The following CCSER1 variants were observed in gnomAD, a reference collection of about 807,000 sequenced individuals.
The protein encoded by CCSER1 is coiled-coil serine rich protein 1, also known as serine-rich coiled-coil domain-containing protein 1.
A neutral mutation model predicts 82.0 loss-of-function variants in CCSER1; 41 were observed. The ratio of observed to expected loss-of-function variants is 0.50; its 90% CI spans 0.39 to 0.65. The LOEUF (loss-of-function observed/expected upper bound fraction) is 0.65, where lower values mean the gene tolerates loss of function less well. Ranked by LOEUF, CCSER1 falls within the 30% of genes least tolerant of loss-of-function variation. The pLI, the probability that CCSER1 is intolerant of heterozygous loss-of-function variation, is 0.00. For synonymous variants in CCSER1, 414 were observed against 383.9 expected, an observed-to-expected ratio of 1.08 and a Z score of -0.92; for missense variants, 1,119 against 1,064.2, an observed-to-expected ratio of 1.05 and a Z score of -0.72.
At chr4:91,115,354 T>C (rs934552258) in intron 10 of CCSER1, among the ~76,000 whole-genome samples, 2 of 151,910 alleles carry the variant, frequency 1.3e-5, no homozygotes, top group African/African-American at 2.4e-5. Flanking sequence ...TGAGATGGAG[T>C]CTTGCTCTGT....
chr4:91,141,609 G>A (rs905805109), intron 10 of CCSER1, among the ~76,000 whole-genome samples: 1 of 152,092 alleles, frequency 6.6e-6, no homozygotes, highest in East Asian at 1.9e-4. Flanking sequence ...GTGTCTTTTT[G>A]GTAGAACAAT....
chr4:91,173,949 TA>T (rs1733037578), intron 10 of CCSER1, among the ~76,000 whole-genome samples: 1 of 152,192 alleles, frequency 6.6e-6, no homozygotes, highest in African/African-American at 2.4e-5. Context: ...CCAATAGTCT[TA>T]AAAATTGTAG....
intron 8 of CCSER1, among the ~76,000 whole-genome samples, chr4:90,916,018 C>T (rs371907904): frequency 6.6e-6 from 1 of 151,980 alleles, no homozygotes; most frequent in Non-Finnish European, 1.5e-5. Context: ...TAAAAGAGGA[C>T]ACAAACAAAT....
At chr4:90,856,025 A>G (rs1561255269) in intron 8 of CCSER1, among the ~76,000 whole-genome samples, 1 of 152,142 alleles carries the variant, frequency 6.6e-6, no homozygotes, top group Non-Finnish European at 1.5e-5. Flanking sequence ...CATTGTCAAT[A>G]TATTTATAGC....
At chr4:90,758,139 C>T (rs1482123103) in intron 7 of CCSER1, among the ~76,000 whole-genome samples, 1 of 151,968 alleles carries the variant, frequency 6.6e-6, no homozygotes, top group African/African-American at 2.4e-5. Flanking sequence ...GGTTTCTCCA[C>T]GTTGGCCAGG....
chr4:90,443,990 T>A (rs1167751644), intron 4 of CCSER1, among the ~76,000 whole-genome samples: 1 of 152,066 alleles, frequency 6.6e-6, no homozygotes, highest in Non-Finnish European at 1.5e-5. Flanking sequence ...GGTAATATAA[T>A]TAAATATTAT....
chr4:90,881,847 C>T (rs143569694), intron 8 of CCSER1, among the ~76,000 whole-genome samples: 1,994 of 152,206 alleles, frequency 0.013, 26 homozygotes, highest in Middle Eastern at 0.061. Context: ...CATCTCCCTA[C>T]TCTTCCCCTG....
chr4:91,269,317 C>A (rs1422593883), intron 10 of CCSER1, among the ~76,000 whole-genome samples: 1 of 152,110 alleles, frequency 6.6e-6, no homozygotes, highest in African/African-American at 2.4e-5. Flanking sequence ...TGTATAAGTA[C>A]CTAAAATGCA....
At chr4:91,532,239 T>A (rs1233995554) in intron 10 of CCSER1, among the ~76,000 whole-genome samples, 3 of 152,176 alleles carry the variant, frequency 2.0e-5, no homozygotes, top group Non-Finnish European at 4.4e-5. Context: ...AAATGAAGGC[T>A]TAAACTATTG....
At chr4:91,273,792 G>T (rs543749757) in intron 10 of CCSER1, among the ~76,000 whole-genome samples, 1 of 152,194 alleles carries the variant, frequency 6.6e-6, no homozygotes, top group African/African-American at 2.4e-5. Flanking sequence ...TGCCAATTTT[G>T]CTGAGAGTTT....
intron 9 of CCSER1, among the ~76,000 whole-genome samples, chr4:90,943,716 C>G (rs1731866990): frequency 7.6e-6 from 1 of 131,874 alleles, no homozygotes; most frequent in Admixed American, 7.8e-5. Context: ...ACATGAGCCA[C>G]TGTGCCAGGC....
intron 4 of CCSER1, among the ~76,000 whole-genome samples, chr4:90,439,410 G>T (rs1331512918): frequency 4.6e-5 from 7 of 152,134 alleles, no homozygotes; most frequent in Admixed American, 2.0e-4. Flanking sequence ...AACTTTGAAA[G>T]AATATATCTT....
Position 91,310,098 on chromosome 4 carries a change from C to T in CCSER1, c.2217+224104C>T, listed in dbSNP as rs548345304. ...TCCAAATTTACCTTTTTAATAAAAA[C>T]ACTAGTCATATTAGAGCCCACCTGC... is the stretch of plus-strand genomic sequence containing the variant. On this transcript the variant is annotated intron_variant, in intron 10 of 10. Coordinates refer to ENST00000509176, the MANE Select transcript of CCSER1 (RefSeq NM_001145065.2). Among the ~76,000 whole-genome samples the T allele has an allele frequency of 2.0e-5, 3 of 152,034 alleles. No homozygotes were observed. The South Asian group carries it at 6.2e-4, about 32-fold the overall frequency.
At chr4:90,712,331 TG>T (rs201517538) in intron 6 of CCSER1, among the ~76,000 whole-genome samples, 2,341 of 152,198 alleles carry the variant, frequency 0.015, 61 homozygotes, top group African/African-American at 0.054. Flanking sequence ...CCAGAGATTC[TG>T]GTATGTTGTA....
intron 10 of CCSER1, among the ~76,000 whole-genome samples, chr4:91,491,353 A>G (rs1017173352): frequency 4.6e-5 from 7 of 152,082 alleles, no homozygotes; most frequent in African/African-American, 1.7e-4. Flanking sequence ...TAAAATTAAT[A>G]TCTTCCTCAA....
chr4:91,281,668 T>C (rs1295140276), intron 10 of CCSER1, among the ~76,000 whole-genome samples: 2 of 152,202 alleles, frequency 1.3e-5, no homozygotes, highest in African/African-American at 2.4e-5. Context: ...TGTTTAGCTA[T>C]TCTGGACTTA....
At chr4:90,774,023 A>G (rs1310305064) in intron 7 of CCSER1, among the ~76,000 whole-genome samples, 1 of 152,168 alleles carries the variant, frequency 6.6e-6, no homozygotes, top group Non-Finnish European at 1.5e-5. Flanking sequence ...GGTAAGTTAT[A>G]AATACTGTAA....
intron 1 of CCSER1, among the ~76,000 whole-genome samples, chr4:90,253,808 G>A (rs971975825): frequency 6.6e-5 from 10 of 152,046 alleles, no homozygotes; most frequent in Admixed American, 6.6e-4. Flanking sequence ...ATTTTAGTTA[G>A]TCTCTTTTTG....
intron 9 of CCSER1, among the ~76,000 whole-genome samples, chr4:91,039,235 G>A (rs1431233481): frequency 6.6e-6 from 1 of 151,052 alleles, no homozygotes; most frequent in Non-Finnish European, 1.5e-5. Context: ...TGGAGACAGG[G>A]TCTCACTATG....
Sources: gnomAD v4.1 joint callset for allele counts (sites outside exome capture counted in the v4.1 genomes callset) on GRCh38, gnomAD v4.1.1 for gene constraint, MANE v1.5 for transcripts, NCBI Gene and HGNC (gene_info 2026-07-23, HGNC 2026-07-21) for gene names.